The following CIROZ variants were observed in gnomAD, a reference collection of about 807,000 sequenced individuals.
The protein encoded by CIROZ is ciliated left-right organizer protein containing ZP-N domains, also known as ciliated left-right organizer ZP-N domains-containing protein.
chr1:10,967,875 A>G, the CIROZ span, among the ~76,000 whole-genome samples: 4 of 152,076 alleles, frequency 2.6e-5, no homozygotes, highest in African/African-American at 9.7e-5. Flanking sequence ...TCAGGAGGCT[A>G]AGGCAGGAGA....
the CIROZ span, chr1:10,947,993 T>G: frequency 6.2e-7 from 1 of 1,613,548 alleles, no homozygotes; most frequent in Non-Finnish European, 8.5e-7. Context: ...GAAGAGCTGC[T>G]GGGCGAACAG....
chr1:10,949,256 CTG>C, the CIROZ span: 1 of 256,582 alleles, frequency 3.9e-6, no homozygotes, highest in Non-Finnish European at 7.4e-6. Flanking sequence ...CTGGAGGAAA[CTG>C]TGACCTCTGG....
the CIROZ span, among the ~76,000 whole-genome samples, chr1:10,980,047 C>CA: frequency 1.3e-5 from 2 of 151,728 alleles, no homozygotes; most frequent in East Asian, 1.9e-4. Context: ...AACTCCGTCT[C>CA]AAAAAAAAGA....
At chr1:10,958,513 TC>T in the CIROZ span, among the ~76,000 whole-genome samples, 5 of 152,138 alleles carry the variant, frequency 3.3e-5, no homozygotes, top group African/African-American at 1.2e-4. Context: ...TCAGATGGCC[TC>T]AGGCCTCTGC....
chr1:10,976,021 A>G, the CIROZ span: 1 of 677,214 alleles, frequency 1.5e-6, no homozygotes. Flanking sequence ...CCTGAAATCC[A>G]CGCTTTGGTG....
At chr1:10,960,585 G>A in the CIROZ span, among the ~76,000 whole-genome samples, 1 of 152,214 alleles carries the variant, frequency 6.6e-6, no homozygotes, top group Non-Finnish European at 1.5e-5. The surrounding 1 kb of genome is among the most constrained non-coding windows in gnomAD (Gnocchi z 4.6). Flanking sequence ...GGGTGCCCCT[G>A]GGCACACTTA....
At chr1:10,979,543 A>G in the CIROZ span, among the ~76,000 whole-genome samples, 1 of 151,974 alleles carries the variant, frequency 6.6e-6, no homozygotes, top group Non-Finnish European at 1.5e-5. Flanking sequence ...GGTAGAATCT[A>G]CTAAGACTGA....
chr1:10,952,823 A>AC, the CIROZ span, among the ~76,000 whole-genome samples: 1 of 152,184 alleles, frequency 6.6e-6, no homozygotes, highest in Non-Finnish European at 1.5e-5. Context: ...TTCTGTGGGC[A>AC]TTTCTTATCT....
chr1:10,974,772 T>C, the CIROZ span, among the ~76,000 whole-genome samples: 8 of 152,140 alleles, frequency 5.3e-5, no homozygotes, highest in African/African-American at 1.4e-4. This position sits in a 1 kb window ranked among gnomAD's most constrained non-coding sequence, Gnocchi z 4.4. Flanking sequence ...CCCGTACACC[T>C]CTTCCCTTGG....
the CIROZ span, among the ~76,000 whole-genome samples, chr1:10,963,837 C>CT: frequency 6.6e-6 from 1 of 152,240 alleles, no homozygotes; most frequent in African/African-American, 2.4e-5. Flanking sequence ...GATAACCCGA[C>CT]TGGCCCCCTG....
At chr1:10,956,110 T>C in the CIROZ span, among the ~76,000 whole-genome samples, 14 of 152,188 alleles carry the variant, frequency 9.2e-5, no homozygotes, top group African/African-American at 2.2e-4. Context: ...TAAAATTCTA[T>C]ACAAATGGAA....
chr1:10,967,889 A>C, the CIROZ span, among the ~76,000 whole-genome samples: 26 of 152,282 alleles, frequency 1.7e-4, 1 homozygote, highest in South Asian at 1.0e-3. Context: ...CAGGAGAATC[A>C]CTTGAACCCA....
At chr1:10,974,741 T>G in the CIROZ span, among the ~76,000 whole-genome samples, 3 of 152,126 alleles carry the variant, frequency 2.0e-5, no homozygotes, top group African/African-American at 7.2e-5. The surrounding 1 kb of genome is among the most constrained non-coding windows in gnomAD (Gnocchi z 4.4). Flanking sequence ...AGTTTGCCCC[T>G]GGGTATCTCC....
chr1:10,974,338 GC>G, the CIROZ span, among the ~76,000 whole-genome samples: 1 of 152,072 alleles, frequency 6.6e-6, no homozygotes, highest in East Asian at 1.9e-4. This position sits in a 1 kb window ranked among gnomAD's most constrained non-coding sequence, Gnocchi z 4.4. Context: ...GCGCAGAGAG[GC>G]GATGGGATGA....
chr1:10,968,755 G>A, the CIROZ span, among the ~76,000 whole-genome samples: 1 of 152,200 alleles, frequency 6.6e-6, no homozygotes, highest in Non-Finnish European at 1.5e-5. Flanking sequence ...AGGTGTCTCT[G>A]ACAGCGCCTA....
At chr1:10,959,216 T>C in the CIROZ span, among the ~76,000 whole-genome samples, 1 of 152,140 alleles carries the variant, frequency 6.6e-6, no homozygotes, top group Non-Finnish European at 1.5e-5. The surrounding 1 kb of genome is among the most constrained non-coding windows in gnomAD (Gnocchi z 4.3). Context: ...TGCCCCCCAA[T>C]GGCACCATTC....
At chr1:10,958,660 C>A in the CIROZ span, 1 of 1,602,092 alleles carries the variant, frequency 6.2e-7, no homozygotes, top group Admixed American at 1.7e-5. Context: ...ACCCACCAGT[C>A]CTAGCAGAAA....
At chr1:10,953,999 C>T in the CIROZ span, 1 of 1,602,324 alleles carries the variant, frequency 6.2e-7, no homozygotes, top group East Asian at 2.3e-5. Flanking sequence ...GCAGTCACAC[C>T]CTCATGGTGC....
chr1:10,976,732 TAGA>T, the CIROZ span, among the ~76,000 whole-genome samples: 428 of 139,892 alleles, frequency 3.1e-3, 4 homozygotes, highest in African/African-American at 0.01. Context: ...AGTAAAGAAA[TAGA>T]AGAACAAAAT....
Sources: gnomAD v4.1 joint callset for allele counts (sites outside exome capture counted in the v4.1 genomes callset) on GRCh38, gnomAD v4.1.1 for gene constraint, Gnocchi (gnomAD v3.1) non-coding constraint, MANE v1.5 for transcripts, NCBI Gene and HGNC (gene_info 2026-07-23, HGNC 2026-07-21) for gene names.